CHD1L: variants seen among roughly 807,000 people sequenced by gnomAD.
The protein encoded by CHD1L is ATP-dependent chromatin remodeler CHD1L.
In CHD1L, 118 loss-of-function variants were observed where a neutral mutation model predicts 115.9. The observed-to-expected ratio is 1.02, with a 90% CI of 0.88 to 1.19. The LOEUF is 1.19. CHD1L is among the 50% of genes most tolerant of loss of function. The probability of loss-of-function intolerance (pLI) is 0.00; values close to 1 mark genes in which losing one functional copy is unlikely to be tolerated. For missense variants in CHD1L, 1,179 were observed against 1,065.3 expected (o/e 1.11, Z -1.49); for synonymous variants, 411 against 387.1 (o/e 1.06, Z -0.72).
intron 19 of CHD1L, among the ~76,000 whole-genome samples, chr1:147,288,343 A>AAAG (rs1559893194): frequency 3.5e-4 from 18 of 52,138 alleles, no homozygotes; most frequent in Non-Finnish European, 4.4e-4. Context: ...AAAAAAAAAA[A>AAAG]AAAGAAAAAG....
At chr1:147,208,414 G>C in the CHD1L span, 1 of 151,614 alleles carries the variant, frequency 6.6e-6, no homozygotes, top group Non-Finnish European at 1.5e-5. Flanking sequence ...CAGATTCTAT[G>C]AGTCTATAGG....
chr1:147,178,512 C>A, the CHD1L span: 203 of 1,610,686 alleles, frequency 1.3e-4, no homozygotes, highest in East Asian at 3.7e-3. Context: ...AGCAGGCAGG[C>A]CCAGCTTCAG....
At chr1:147,275,262 G>A (rs1051405864) in intron 12 of CHD1L, 92 bp from the exon 13 acceptor site, 67 of 886,784 alleles carry the variant, frequency 7.6e-5, no homozygotes, top group Non-Finnish European at 1.2e-4. Flanking sequence ...ACTGATTTCA[G>A]TTTATCAGTC....
chr1:147,217,261 G>GA, the CHD1L span, among the ~76,000 whole-genome samples: 53 of 150,582 alleles, frequency 3.5e-4, no homozygotes, highest in Non-Finnish European at 5.8e-4. Context: ...AAAAGAAAAA[G>GA]AAAAAAAAAC....
intron 6 of CHD1L, 117 bp from the exon 7 acceptor site, chr1:147,264,305 C>G (rs940713236): frequency 2.6e-5 from 24 of 909,162 alleles, no homozygotes; most frequent in Non-Finnish European, 1.2e-5. Flanking sequence ...ATTTCATGTC[C>G]CCTCAGTCAT....
chr1:147,190,201 T>A, the CHD1L span: 2 of 1,611,638 alleles, frequency 1.2e-6, no homozygotes, highest in Non-Finnish European at 1.7e-6. Flanking sequence ...CTCTTGAGCT[T>A]TAGATATTTC....
At chr1:147,188,434 A>G in the CHD1L span, among the ~76,000 whole-genome samples, 1 of 150,114 alleles carries the variant, frequency 6.7e-6, no homozygotes, top group East Asian at 2.0e-4. Context: ...GAGGCGGGAG[A>G]ATTGCTTGAC....
At chr1:147,260,181 T>C in intron 6 of CHD1L, 1 of 296,216 alleles carries the variant, frequency 3.4e-6, no homozygotes, top group Non-Finnish European at 6.4e-6. Context: ...AAGTCCATAG[T>C]TTACATTCGG....
intron 19 of CHD1L, among the ~76,000 whole-genome samples, chr1:147,291,245 AGGGGT>A (rs1296537949): frequency 6.6e-6 from 1 of 152,160 alleles, no homozygotes; most frequent in Non-Finnish European, 1.5e-5. Context: ...TGATGTCTAC[AGGGGT>A]ACTTTGTTGT....
upstream of CHD1L, among the ~76,000 whole-genome samples, chr1:147,240,464 A>G (rs1553930494): frequency 6.6e-6 from 1 of 152,174 alleles, no homozygotes; most frequent in Non-Finnish European, 1.5e-5. Flanking sequence ...AGCCTGAAAT[A>G]TGGCCTTGTG....
intron 14 of CHD1L, among the ~76,000 whole-genome samples, chr1:147,277,778 T>C (rs1679095202): frequency 6.6e-6 from 1 of 152,128 alleles, no homozygotes; most frequent in Non-Finnish European, 1.5e-5. Flanking sequence ...AAATTATCCA[T>C]AGAACCTTAA....
At position 147,272,159 on chromosome 1, in the gene CHD1L, C is replaced by T. The variant is rs1553953734; in HGVS notation, c.1160-12C>T. 7 of 1,593,988 alleles carry T rather than the reference C, an allele frequency of 4.4e-6. No individual in the cohort carries two copies. The highest frequency in any genetic ancestry group is 2.3e-5 in the South Asian group (2 of 87,982). On this transcript the variant is annotated splice_polypyrimidine_tract_variant and intron_variant, in intron 11 of 22. Transcript: ENST00000369258. ...AGGGTTAAGATTTCTGTTTTTCTTC[C>T]TCTCTGTAAAGGCTACAGCTATGAG...
the CHD1L span, among the ~76,000 whole-genome samples, chr1:147,231,053 T>C: frequency 5.3e-5 from 8 of 152,318 alleles, no homozygotes; most frequent in South Asian, 1.7e-3. Flanking sequence ...TGCTAGCTTT[T>C]GAATGTGTTC....
At chr1:147,280,808 A>C (rs2102833433) in intron 15 of CHD1L, among the ~76,000 whole-genome samples, 1 of 152,302 alleles carries the variant, frequency 6.6e-6, no homozygotes, top group East Asian at 1.9e-4. Context: ...TTGTAAAGGT[A>C]TTCCCTGGCA....
At chr1:147,242,582 C>T, upstream of CHD1L, 2 of 1,016,004 alleles carry the variant, frequency 2.0e-6, no homozygotes, top group Admixed American at 8.6e-5. Context: ...TGGCAGGACG[C>T]GCCCTCTGGC....
the CHD1L span, among the ~76,000 whole-genome samples, chr1:147,198,478 C>T: frequency 6.6e-6 from 1 of 152,090 alleles, no homozygotes; most frequent in African/African-American, 2.4e-5. Context: ...TACAAGGGTA[C>T]CTGCTGTGTT....
At chr1:147,187,836 G>T in the CHD1L span, among the ~76,000 whole-genome samples, 2 of 152,182 alleles carry the variant, frequency 1.3e-5, no homozygotes, top group Admixed American at 6.5e-5. Context: ...TTTTAAAGGG[G>T]AAAATGTGGT....
the CHD1L span, among the ~76,000 whole-genome samples, chr1:147,184,050 A>C: frequency 6.6e-6 from 1 of 152,170 alleles, no homozygotes; most frequent in Non-Finnish European, 1.5e-5. This position sits in a 1 kb window ranked among gnomAD's most constrained non-coding sequence, Gnocchi z 4.4. Context: ...CAAAGGAAGC[A>C]AAACTGCTGA....
chr1:147,287,193 T>C (rs1051078988), intron 18 of CHD1L, among the ~76,000 whole-genome samples: 1 of 152,254 alleles, frequency 6.6e-6, no homozygotes, highest in African/African-American at 2.4e-5. Flanking sequence ...TGTGAATGAA[T>C]GACTATAAAT....
Sources: allele counts gnomAD v4.1 joint callset (sites outside exome capture counted in the v4.1 genomes callset), GRCh38; gene constraint gnomAD v4.1.1; non-coding constraint Gnocchi (gnomAD v3.1); transcripts MANE v1.5; gene names NCBI Gene and HGNC (gene_info 2026-07-23, HGNC 2026-07-21).